Variants in ZNF414 observed in about 807,000 individuals in gnomAD.
ZNF414 encodes the protein zinc finger protein 414.
Under a neutral mutation model 38.3 loss-of-function variants are expected in ZNF414, and 32 were observed. That is an observed-to-expected ratio of 0.83 (90% CI 0.63 to 1.12). The LOEUF (loss-of-function observed/expected upper bound fraction) is 1.12, where lower values mean the gene tolerates loss of function less well. ZNF414 is among the 50% of genes most tolerant of loss of function. The pLI is 0.00. For missense variants in ZNF414, 589 were observed against 557.4 expected, an observed-to-expected ratio of 1.06 and a Z score of -0.57; for synonymous variants, 256 against 248.0, an observed-to-expected ratio of 1.03 and a Z score of -0.30.
chr19:8,512,666 G>A lies in ZNF414; in HGVS notation c.362C>T (p.Pro121Leu). Residue 121 changes from proline (P) to leucine (L), a missense_variant, in exon 3 of 8, where the codon CCC (proline) becomes CTC (leucine). Physicochemically the swap from Pro to Leu is moderately conservative, Grantham distance 98 (BLOSUM62 -3). Transcript: ENST00000393927. ...CSSPGCCLSF[P>L]SVRDLAQHLR... ...ATGCTGTGCCAGGTCACGGACGCTG[G>A]GAAAACTGAGGCAGCAGCCAGGGCT... 1 of 1,584,644 alleles carries A rather than the reference G, an allele frequency of 6.3e-7. No individual in the cohort carries two copies. The highest frequency in any genetic ancestry group is 8.6e-7 in the Non-Finnish European group (1 of 1,166,000).
chr19:8,513,150 C>T lies in ZNF414; in HGVS notation c.195G>A (p.Gln65=), dbSNP rs751523962. Reference sequence around the variant, plus strand: ...TGTCTGGGGCTGGGGAGGAGCCCTGCTGCATCCCTCCAGCCCCTCCACGTT... The same window carrying T: ...TGTCTGGGGCTGGGGAGGAGCCCTGTTGCATCCCTCCAGCCCCTCCACGTT... The part of the protein sequence containing the change: ...VWERGGAGGM[Q]QGSSPAPDSC... The change falls in exon 2 of 8, where the codon CAG becomes CAA. Residue 65 remains glutamine (Q), a synonymous_variant. Transcript: ENST00000393927. The T allele has an allele frequency of 6.5e-7, 1 of 1,545,480 alleles. No homozygotes were observed. Among genetic ancestry groups the T allele is most frequent in the East Asian group, 2.4e-5 (1 of 41,220 alleles).
chr19:8,514,030 G>GA lies in ZNF414; in HGVS notation c.3+13_3+14insT. On this transcript the variant is annotated intron_variant, in intron 1 of 7. Transcript: ENST00000393927. ...GCAGCTCCGCCGCGCCCGCGACCCC[G>GA]GTGCCGCGCTCACCATCTTCGACAC... is the stretch of plus-strand genomic sequence containing the variant. 1 of 1,460,100 alleles carries GA rather than the reference G, an allele frequency of 6.8e-7. No homozygotes were observed. Among genetic ancestry groups the GA allele is most frequent in the Non-Finnish European group, 9.0e-7 (1 of 1,105,954 alleles). 90.4% of individuals were successfully genotyped at this position (1,460,100 alleles called of 1,614,324 possible).
chr19:8,512,306 G>T, intron 4 of ZNF414, 81 bp downstream of exon 4: 3 of 1,564,968 alleles, frequency 1.9e-6, no homozygotes, highest in South Asian at 2.2e-5. Flanking sequence ...CCAACACCCT[G>T]ACCAGGAAGG....
Position 8,510,478 on chromosome 19 carries a change from C to T in ZNF414, c.*213G>A, listed in dbSNP as rs1415040685. The T allele has an allele frequency of 4.6e-6, 2 of 434,728 alleles. No homozygotes were observed. The highest frequency in any genetic ancestry group is 8.1e-6 in the Non-Finnish European group (2 of 246,316). The allele number at this position is 434,728 out of a possible 1,614,324, so 26.9% of individuals were successfully genotyped here. ...GGACACAGGTGGGCTGTGAGGCCTG[C>T]ACCTGTGGACCCAGGTGGTCCTCCC... On this transcript the variant is annotated 3_prime_UTR_variant, in exon 8 of 8. Coordinates refer to ENST00000393927, the MANE Select transcript of ZNF414 (RefSeq NM_001146175.2).
intron 6 of ZNF414, 60 bp downstream of exon 6, chr19:8,511,426 C>G: frequency 6.3e-7 from 1 of 1,584,182 alleles, no homozygotes; most frequent in Non-Finnish European, 8.6e-7. Context: ...ATCCACCAGA[C>G]CCCGCAGGGC....
In ZNF414 at chr19:8,512,412, G is replaced by A. The variant is rs754668412; in HGVS notation, c.505C>T (p.His169Tyr). 1.9e-6 allele frequency: 3 copies of A among 1,614,196 alleles called. No homozygotes were observed. The South Asian group carries it at 3.3e-5, about 18-fold the overall frequency. ...TTGAAGTAGCGATTGGGTTTGTAGT[G>A]CAGTTTGCTGTGAGCCACCAGCTCC... ...MQELVAHSKL[H>Y]YKPNRYFKCE... is the part of the protein sequence containing the mutation. Residue 169 changes from histidine (H) to tyrosine (Y), a missense_variant, in exon 4 of 8, where the codon CAC becomes TAC. His to Tyr is a moderately conservative substitution (Grantham distance 83). Transcript: ENST00000393927.
chr19:8,514,072 T>C lies in ZNF414; in HGVS notation c.-26A>G, dbSNP rs575068969. The C allele has an allele frequency of 1.0e-4, 148 of 1,471,656 alleles. No individual in the cohort carries two copies. In the African/African-American group the frequency reaches 2.0e-3, roughly 20 times the overall value. The allele number at this position is 1,471,656 out of a possible 1,614,324, so 91.2% of individuals were successfully genotyped here. A position where few individuals can be genotyped will look rare whatever the true frequency, so the allele number is the denominator to read the frequency against. On this transcript the variant is annotated 5_prime_UTR_variant, in exon 1 of 8. Coordinates refer to ENST00000393927, the MANE Select transcript of ZNF414 (RefSeq NM_001146175.2). ...CTTCGACACGGCTCGGCCTCTTGTT[T>C]CTGCGGCTCCGGCGGCTGCAGCTTA...
Position 8,514,082 on chromosome 19 carries a change from CGGCGGCTGCAGCTTA to C in ZNF414, c.-51_-37del. ...GCTCGGCCTCTTGTTTCTGCGGCTC[CGGCGGCTGCAGCTTA>C]GGCGGCGGCCACCCTCTGGGCAGTG... On this transcript the variant is annotated 5_prime_UTR_variant, in exon 1 of 8. Transcript: ENST00000393927. 1 of 1,464,244 alleles carries C rather than the reference CGGCGGCTGCAGCTTA, an allele frequency of 6.8e-7. No homozygotes were observed. 90.7% of individuals were successfully genotyped at this position (1,464,244 alleles called of 1,614,324 possible).
At chr19:8,512,939 C>T (rs1971938343) in intron 2 of ZNF414, 90 bp downstream of exon 2, 2 of 1,397,120 alleles carry the variant, frequency 1.4e-6, no homozygotes, top group Admixed American at 3.0e-5. Context: ...TGGCATCCCT[C>T]TAGAAAGGCC....
rs898135430 is a variant in ZNF414 at position 8,514,142 on chromosome 19, G to A, written c.-96C>T. ...GCAGTGCGAGTTCGCGCTCACGTCA[G>A]CGCCATTTTCCACCTCTCAGCTCTC... On this transcript the variant is annotated 5_prime_UTR_variant, in exon 1 of 8. Transcript: ENST00000393927. 7.4e-7 allele frequency: 1 copy of A among 1,355,024 alleles called. No homozygotes were observed. Among genetic ancestry groups the A allele is most frequent in the Non-Finnish European group, 9.5e-7 (1 of 1,048,684 alleles). The allele number at this position is 1,355,024 out of a possible 1,614,324, so 83.9% of individuals were successfully genotyped here.
In ZNF414 at chr19:8,511,549, G is replaced by C. The variant is rs778992230; in HGVS notation, c.875-13C>G. On this transcript the variant is annotated splice_polypyrimidine_tract_variant and intron_variant, in intron 5 of 7. Coordinates refer to ENST00000393927, the MANE Select transcript of ZNF414 (RefSeq NM_001146175.2). ...CTGCTGCCAGCACCTGCGGTAAAGGGGCGGGTCAAGTTCAGAGTCAGGGCG... is the reference window on the plus strand; with the variant it reads ...CTGCTGCCAGCACCTGCGGTAAAGGCGCGGGTCAAGTTCAGAGTCAGGGCG... The C allele has an allele frequency of 1.9e-6, 3 of 1,591,310 alleles. No individual in the cohort carries two copies. In the South Asian group the frequency reaches 3.4e-5, roughly 18 times the overall value.
At chr19:8,511,101 G>C in intron 6 of ZNF414, 77 bp from the exon 7 acceptor site, 2 of 1,283,410 alleles carry the variant, frequency 1.6e-6, no homozygotes, top group African/African-American at 1.6e-5. Context: ...GGAGGACGCC[G>C]GCGAGGGTGG....
chr19:8,513,828 C>G (rs973819580), intron 1 of ZNF414, among the ~76,000 whole-genome samples: 1 of 152,172 alleles, frequency 6.6e-6, no homozygotes, highest in Middle Eastern at 3.2e-3. Flanking sequence ...GTGCTGGGGG[C>G]CCGGATGTAA....
At chr19:8,512,870 C>T in intron 2 of ZNF414, 159 bp from the exon 3 acceptor site, 2 of 1,193,666 alleles carry the variant, frequency 1.7e-6, no homozygotes, top group Non-Finnish European at 2.3e-6. Flanking sequence ...GCTGGACTGG[C>T]CAGGCTCACC....
At chr19:8,512,752 A>C (rs1243373013) in intron 2 of ZNF414, 41 bp from the exon 3 acceptor site, 72 of 1,451,282 alleles carry the variant, frequency 5.0e-5, no homozygotes, top group Non-Finnish European at 6.3e-5. Context: ...TCCCTTCCTC[A>C]CTAGTGCTGT....
In ZNF414 at chr19:8,510,733, C is replaced by T. The variant is rs372745179; in HGVS notation, c.1131G>A (p.Pro377=). 239 of 1,549,572 alleles carry T rather than the reference C, an allele frequency of 1.5e-4. 1 individual carries two copies. The African/African-American group carries it at 2.9e-3, about 19-fold the overall frequency. ...CTGGAAGCTCCCCCTCTGACAGCAGCGGCGACACCTTGGGTGCAAGCGGGG... is the reference window on the plus strand; with the variant it reads ...CTGGAAGCTCCCCCTCTGACAGCAGTGGCGACACCTTGGGTGCAAGCGGGG... The part of the protein sequence containing the change: ...DPAPLAPKVS[P]LLSEGELPVF... The change falls in exon 8 of 8, where the codon CCG becomes CCA. Residue 377 remains proline, a synonymous_variant. Coordinates refer to ENST00000393927, the MANE Select transcript of ZNF414 (RefSeq NM_001146175.2).
chr19:8,512,852 G>A (rs1457666399), intron 2 of ZNF414, 141 bp from the exon 3 acceptor site: 7 of 1,173,624 alleles, frequency 6.0e-6, no homozygotes, highest in Non-Finnish European at 8.1e-6. Flanking sequence ...GTCTGCCACA[G>A]TGCAGGGGCT....
chr19:8,512,338 C>A, intron 4 of ZNF414, 49 bp downstream of exon 4: 1 of 1,604,876 alleles, frequency 6.2e-7, no homozygotes, highest in Non-Finnish European at 8.5e-7. Flanking sequence ...GGAGCCCACA[C>A]ATAGGGTGAG....
intron 1 of ZNF414, 133 bp from the exon 2 acceptor site, chr19:8,513,474 A>C: frequency 1.2e-6 from 1 of 863,206 alleles, no homozygotes; most frequent in Non-Finnish European, 1.7e-6. Flanking sequence ...TTTTCTTTTT[A>C]TAAAGATGGG....
Sources: gnomAD v4.1 joint callset for allele counts (sites outside exome capture counted in the v4.1 genomes callset) on GRCh38, gnomAD v4.1.1 for gene constraint, MANE v1.5 for transcripts, NCBI Gene and HGNC (gene_info 2026-07-23, HGNC 2026-07-21) for gene names.